Variants in LSAMP observed in about 807,000 individuals in gnomAD.
LSAMP encodes limbic system associated membrane protein, also known as limbic system-associated membrane protein.
A neutral mutation model predicts 38.6 loss-of-function variants in LSAMP; 7 were observed. The ratio of observed to expected loss-of-function variants is 0.18; its 90% confidence interval spans 0.10 to 0.34. LSAMP has a LOEUF of 0.34. Among genes scored for constraint, LSAMP ranks in the 10% least tolerant of loss-of-function variants. The probability of loss-of-function intolerance (pLI) is 1.00; values close to 1 mark genes in which losing one functional copy is unlikely to be tolerated. For synonymous variants in LSAMP, 154 were observed against 166.8 expected (o/e 0.92, Z 0.59); for missense variants, 313 against 420.0 (o/e 0.75, Z 2.23).
chr3:115,805,850 T>C lies in LSAMP; in HGVS notation c.*4467A>G, dbSNP rs1933617402. On this transcript the variant is annotated 3_prime_UTR_variant, in exon 7 of 7. Coordinates refer to ENST00000490035, the MANE Select transcript of LSAMP (RefSeq NM_002338.5). Reference sequence around the variant, plus strand: ...ATATTATGCCAACCATGATGGAAAATTTACATCACTGAGGCAAATGCAGTC... The same window carrying C: ...ATATTATGCCAACCATGATGGAAAACTTACATCACTGAGGCAAATGCAGTC... The C allele has an allele frequency of 6.6e-6, 1 of 152,188 alleles. No individual in the cohort carries two copies. Among genetic ancestry groups the C allele is most frequent in the South Asian group, 2.1e-4 (1 of 4,828 alleles). The allele number at this position is 152,188 out of a possible 1,614,324, so 9.4% of individuals were successfully genotyped here.
intron 1 of LSAMP, among the ~76,000 whole-genome samples, chr3:116,263,366 C>T (rs2046851692): frequency 6.6e-6 from 1 of 151,870 alleles, no homozygotes; most frequent in African/African-American, 2.4e-5. Flanking sequence ...GGTGAAACCC[C>T]ATTTCTACTA....
intron 1 of LSAMP, among the ~76,000 whole-genome samples, chr3:116,323,622 G>T (rs192328810): frequency 2.1e-4 from 32 of 152,122 alleles, no homozygotes; most frequent in African/African-American, 7.5e-4. Flanking sequence ...CATCAGTAAA[G>T]GTCAGAGCTG....
chr3:116,229,435 T>C (rs376671289), intron 1 of LSAMP, among the ~76,000 whole-genome samples: 1 of 152,118 alleles, frequency 6.6e-6, no homozygotes, highest in African/African-American at 2.4e-5. Flanking sequence ...ATACAGGCAA[T>C]TGCCAACATA....
intron 6 of LSAMP, among the ~76,000 whole-genome samples, chr3:115,822,350 C>T (rs1242373740): frequency 2.2e-5 from 3 of 136,598 alleles, no homozygotes; most frequent in African/African-American, 7.9e-5. Context: ...TTCTTTCTCT[C>T]TTTCTTTCCT....
intron 1 of LSAMP, among the ~76,000 whole-genome samples, chr3:116,162,725 TGA>T (rs1174643829): frequency 3.3e-5 from 5 of 149,968 alleles, no homozygotes; most frequent in African/African-American, 7.4e-5. Context: ...GCAAAGTGTG[TGA>T]GAGTGTGTGT....
At chr3:115,982,352 A>C (rs1316337562) in intron 3 of LSAMP, among the ~76,000 whole-genome samples, 2 of 152,212 alleles carry the variant, frequency 1.3e-5, no homozygotes, top group Non-Finnish European at 2.9e-5. Context: ...TTCTCTACCT[A>C]GTTTAGTAAC....
At chr3:115,887,746 A>C (rs1476389028) in intron 3 of LSAMP, among the ~76,000 whole-genome samples, 1 of 151,862 alleles carries the variant, frequency 6.6e-6, no homozygotes, top group Non-Finnish European at 1.5e-5. Context: ...CAATATTTTT[A>C]GTGACAAGGA....
At chr3:115,876,326 A>G (rs910119195) in intron 3 of LSAMP, among the ~76,000 whole-genome samples, 11 of 145,586 alleles carry the variant, frequency 7.6e-5, no homozygotes, top group African/African-American at 2.8e-4. Context: ...CAGTTTGCAT[A>G]GGGATCATTA....
intron 3 of LSAMP, among the ~76,000 whole-genome samples, chr3:115,995,074 A>G (rs1939777524): frequency 6.6e-6 from 1 of 152,122 alleles, no homozygotes; most frequent in African/African-American, 2.4e-5. Context: ...ACCATCTTTA[A>G]ATCTTGCTGG....
chr3:116,022,966 CA>C, intron 2 of LSAMP, among the ~76,000 whole-genome samples: 1 of 151,856 alleles, frequency 6.6e-6, no homozygotes, highest in East Asian at 1.9e-4. Context: ...ATTGTCTAAG[CA>C]AAAAAAGCAA....
intron 1 of LSAMP, among the ~76,000 whole-genome samples, chr3:116,337,482 G>C (rs1005354350): frequency 6.6e-6 from 1 of 151,992 alleles, no homozygotes; most frequent in Non-Finnish European, 1.5e-5. Flanking sequence ...ACTGGGTTGA[G>C]ATATAGCACA....
intron 1 of LSAMP, among the ~76,000 whole-genome samples, chr3:116,270,316 C>G (rs1302138570): frequency 1.3e-5 from 2 of 152,174 alleles, no homozygotes; most frequent in South Asian, 2.1e-4. Flanking sequence ...AGTTAACACT[C>G]CATTTATCTG....
At chr3:115,918,650 A>G (rs1051178852) in intron 3 of LSAMP, among the ~76,000 whole-genome samples, 3 of 151,880 alleles carry the variant, frequency 2.0e-5, no homozygotes, top group East Asian at 1.9e-4. Flanking sequence ...TGCTTTGCTC[A>G]GAGTAAATCC....
rs1011251638 is a variant in LSAMP at position 116,014,073 on chromosome 3, C to T, written c.514+5442G>A. Among the ~76,000 whole-genome samples, 9 of 152,240 alleles carry T rather than the reference C, an allele frequency of 5.9e-5. No individual in the cohort carries two copies. The South Asian group carries it at 1.7e-3, about 28-fold the overall frequency. ...AATTATGGGGCTATTCATGCAATTA[C>T]AGATGTCCTGACTTATGGTGGATTG... On this transcript the variant is annotated intron_variant, in intron 3 of 6. Transcript: ENST00000490035.
intron 1 of LSAMP, among the ~76,000 whole-genome samples, chr3:116,366,242 A>C (rs1229305882): frequency 6.6e-6 from 1 of 152,106 alleles, no homozygotes; most frequent in East Asian, 1.9e-4. Context: ...GAAAACATAC[A>C]TGTGGCCAAC....
chr3:116,148,781 T>C (rs1207291728), intron 1 of LSAMP, among the ~76,000 whole-genome samples: 5 of 152,020 alleles, frequency 3.3e-5, no homozygotes, highest in African/African-American at 1.2e-4. Flanking sequence ...CTATTGCAGA[T>C]TCAGAATAAA....
At chr3:116,259,062 C>T (rs2046792353) in intron 1 of LSAMP, among the ~76,000 whole-genome samples, 1 of 152,102 alleles carries the variant, frequency 6.6e-6, no homozygotes. Context: ...TAAATCAGAA[C>T]ATTTCAGTTC....
rs1935027859 is a variant in LSAMP at position 115,842,460 on chromosome 3, A to G, written c.768T>C (p.Thr256=). The G allele has an allele frequency of 6.2e-7, 1 of 1,613,516 alleles. No individual in the cohort carries two copies. Among genetic ancestry groups the G allele is most frequent in the African/African-American group, 1.3e-5 (1 of 74,900 alleles). ...GGGATGGTAGGTTTGGCACATACCTAGTGTCATCCCGGTACCACTCAAAGT... is the reference window on the plus strand; with the variant it reads ...GGGATGGTAGGTTTGGCACATACCTGGTGTCATCCCGGTACCACTCAAAGT... The part of the protein sequence containing the change: ...APDFEWYRDD[T]RINSANGLEI... The change falls in exon 5 of 7, where the codon ACT becomes ACC. Residue 256 remains threonine, a splice_region_variant and synonymous_variant. Transcript: ENST00000490035.
chr3:115,999,506 G>T (rs2107656044), intron 3 of LSAMP, among the ~76,000 whole-genome samples: 1 of 152,300 alleles, frequency 6.6e-6, no homozygotes, highest in Non-Finnish European at 1.5e-5. Flanking sequence ...AAATTAAAGA[G>T]CCTGGTTTGA....
Sources: gnomAD v4.1 joint callset for allele counts (sites outside exome capture counted in the v4.1 genomes callset) on GRCh38, gnomAD v4.1.1 for gene constraint, MANE v1.5 for transcripts, NCBI Gene and HGNC (gene_info 2026-07-23, HGNC 2026-07-21) for gene names.